Variants in ZNF385D observed in about 807,000 individuals in gnomAD.
ZNF385D encodes the protein zinc finger protein 385D.
In ZNF385D, 15 loss-of-function variants were observed where a neutral mutation model predicts 35.8. That is an observed-to-expected ratio of 0.42 (90% confidence interval 0.28 to 0.64). The LOEUF is 0.64. Among genes scored for constraint, ZNF385D ranks in the 30% least tolerant of loss-of-function variants. The pLI is 0.23. For synonymous variants in ZNF385D, 212 were observed against 186.8 expected (o/e 1.13, Z -1.10); for missense variants, 474 against 494.6 (o/e 0.96, Z 0.39).
At chr3:21,982,129 T>C (rs1255078925) in intron 3 of ZNF385D, among the ~76,000 whole-genome samples, 1 of 151,274 alleles carries the variant, frequency 6.6e-6, no homozygotes, top group East Asian at 1.9e-4. Flanking sequence ...GGTAGTTTGA[T>C]AGGAGTAGCC....
At chr3:22,262,969 C>A (rs1056056606) in intron 2 of ZNF385D, among the ~76,000 whole-genome samples, 2 of 151,926 alleles carry the variant, frequency 1.3e-5, no homozygotes, top group African/African-American at 2.4e-5. Context: ...ATCCAACGTC[C>A]AGTCTTTCAG....
intron 5 of ZNF385D, among the ~76,000 whole-genome samples, chr3:21,432,390 G>A (rs1458483332): frequency 6.6e-6 from 1 of 152,098 alleles, no homozygotes; most frequent in East Asian, 1.9e-4. Flanking sequence ...AACTTGGTGA[G>A]GGGATAGAAT....
chr3:22,123,245 G>T (rs963579541), intron 3 of ZNF385D, among the ~76,000 whole-genome samples: 1 of 152,108 alleles, frequency 6.6e-6, no homozygotes, highest in African/African-American at 2.4e-5. Context: ...CAAGAAGGTA[G>T]GAGGAGTAGA....
intron 3 of ZNF385D, among the ~76,000 whole-genome samples, chr3:21,797,439 A>G (rs982116511): frequency 6.6e-6 from 1 of 152,218 alleles, no homozygotes; most frequent in Non-Finnish European, 1.5e-5. Context: ...GGTTTCTTAC[A>G]AAACTAAACA....
intron 3 of ZNF385D, among the ~76,000 whole-genome samples, chr3:21,900,835 G>A (rs1362906857): frequency 6.6e-6 from 1 of 152,150 alleles, no homozygotes; most frequent in East Asian, 1.9e-4. Flanking sequence ...CTTGCACTGG[G>A]ATAAAAGCTG....
chr3:22,179,643 G>C (rs1413057670), intron 2 of ZNF385D, among the ~76,000 whole-genome samples: 1 of 152,208 alleles, frequency 6.6e-6, no homozygotes, highest in African/African-American at 2.4e-5. Context: ...AGTGGTGAGA[G>C]AAGGCATCAC....
At chr3:21,529,647 G>A (rs1186873805) in intron 3 of ZNF385D, among the ~76,000 whole-genome samples, 1 of 152,104 alleles carries the variant, frequency 6.6e-6, no homozygotes, top group Non-Finnish European at 1.5e-5. Flanking sequence ...GGTATGTAAA[G>A]GTAAAGATAG....
intron 3 of ZNF385D, among the ~76,000 whole-genome samples, chr3:21,821,083 A>C (rs998936585): frequency 1.3e-5 from 2 of 152,090 alleles, no homozygotes; most frequent in African/African-American, 4.8e-5. Context: ...GTGTTTTACC[A>C]AACTTCAAGA....
At chr3:22,295,519 CA>C (rs1702526154) in intron 2 of ZNF385D, among the ~76,000 whole-genome samples, 1 of 151,988 alleles carries the variant, frequency 6.6e-6, no homozygotes, top group East Asian at 1.9e-4. Context: ...GTGTATGGCT[CA>C]AATAATCAGA....
At chr3:22,362,306 A>G (rs1432232993) in intron 2 of ZNF385D, among the ~76,000 whole-genome samples, 3 of 152,018 alleles carry the variant, frequency 2.0e-5, no homozygotes. Context: ...TTTATGAAGA[A>G]TCAACGTGGA....
At chr3:22,186,309 C>T (rs969436015) in intron 2 of ZNF385D, among the ~76,000 whole-genome samples, 2 of 152,068 alleles carry the variant, frequency 1.3e-5, no homozygotes, top group South Asian at 2.1e-4. Context: ...AGTAATTTGA[C>T]GTAACTTGAA....
intron 3 of ZNF385D, among the ~76,000 whole-genome samples, chr3:22,084,613 C>T (rs1700931220): frequency 6.6e-6 from 1 of 152,128 alleles, no homozygotes; most frequent in South Asian, 2.1e-4. Context: ...GACTTAGACT[C>T]CCACAAAATA....
intron 4 of ZNF385D, among the ~76,000 whole-genome samples, chr3:21,478,669 C>T (rs892672006): frequency 2.6e-5 from 4 of 152,142 alleles, no homozygotes; most frequent in Admixed American, 2.0e-4. Flanking sequence ...AAGCTGTCCT[C>T]TGATACAGAA....
intron 3 of ZNF385D, among the ~76,000 whole-genome samples, chr3:22,091,889 T>C (rs1701352144): frequency 6.6e-6 from 1 of 152,192 alleles, no homozygotes; most frequent in South Asian, 2.1e-4. Flanking sequence ...CTTTATTTCA[T>C]AGAGTATTTA....
At chr3:21,789,676 C>T (rs1266117075) in intron 3 of ZNF385D, among the ~76,000 whole-genome samples, 1 of 151,928 alleles carries the variant, frequency 6.6e-6, no homozygotes, top group Non-Finnish European at 1.5e-5. Flanking sequence ...GCCTCATTTG[C>T]CTGTATTTAG....
At position 22,141,595 on chromosome 3, in the gene ZNF385D, G is replaced by A. The variant is rs146566371; in HGVS notation, c.325+27222C>T. ...TAAGGGTCTCTGTGGTGGGACCCGC[G>A]GTAGTTCACTGGCCTGCTGTTCACC... On this transcript the variant is annotated intron_variant, in intron 3 of 5. Transcript: ENST00000494108. Among the ~76,000 whole-genome samples, 1,015 of 152,182 alleles carry A rather than the reference G, an allele frequency of 6.7e-3. 9 individuals carry two copies. Among genetic ancestry groups the A allele is most frequent in the Non-Finnish European group, 9.8e-3 (666 of 67,996 alleles).
At chr3:21,507,322 T>A (rs969165986) in intron 4 of ZNF385D, among the ~76,000 whole-genome samples, 1 of 152,128 alleles carries the variant, frequency 6.6e-6, no homozygotes. Context: ...ATGTTTAACA[T>A]TTTTCAAAGG....
intron 3 of ZNF385D, among the ~76,000 whole-genome samples, chr3:21,562,806 C>G (rs2062999719): frequency 7.4e-6 from 1 of 136,036 alleles, no homozygotes; most frequent in Admixed American, 7.7e-5. Context: ...GAGTTTAGAA[C>G]TCTTATTTAT....
intron 3 of ZNF385D, among the ~76,000 whole-genome samples, chr3:21,885,817 C>G (rs1428176460): frequency 6.6e-6 from 1 of 150,976 alleles, no homozygotes; most frequent in Non-Finnish European, 1.5e-5. Context: ...GAAATTGGCT[C>G]ACACAACTGT....
Sources: gnomAD v4.1 joint callset for allele counts (sites outside exome capture counted in the v4.1 genomes callset) on GRCh38, gnomAD v4.1.1 for gene constraint, MANE v1.5 for transcripts, NCBI Gene and HGNC (gene_info 2026-07-23, HGNC 2026-07-21) for gene names.